Variants in IL1RAPL1 observed in about 807,000 individuals in gnomAD.
IL1RAPL1 encodes interleukin-1 receptor accessory protein-like 1.
IL1RAPL1 carries 3 observed loss-of-function variants against 48.4 expected under a neutral mutation model. That is an observed-to-expected ratio of 0.06 (90% CI 0.03 to 0.16). IL1RAPL1 has a LOEUF of 0.16. Ranked by LOEUF, IL1RAPL1 falls within the 10% of genes least tolerant of loss-of-function variation. IL1RAPL1 has a pLI of 1.00. For missense variants in IL1RAPL1, 349 were observed against 530.6 expected, an observed-to-expected ratio of 0.66 and a Z score of 3.36; for synonymous variants, 185 against 187.7, an observed-to-expected ratio of 0.99 and a Z score of 0.12.
chrX:29,122,434 C>CACAA (rs1928811345), intron 2 of IL1RAPL1, among the ~76,000 whole-genome samples: 4 of 101,917 alleles, frequency 3.9e-5, no homozygotes, highest in Admixed American at 3.3e-4. Flanking sequence ...CACACACACA[C>CACAA]ACACACACAC....
At chrX:28,991,195 T>C (rs779367317) in intron 2 of IL1RAPL1, among the ~76,000 whole-genome samples, 4 of 112,029 alleles carry the variant, frequency 3.6e-5, no homozygotes, top group Non-Finnish European at 7.5e-5. Context: ...TGTGTATACT[T>C]GTGTTTGTGT....
chrX:28,639,748 T>C (rs941296000), intron 1 of IL1RAPL1, among the ~76,000 whole-genome samples: 2 of 112,075 alleles, frequency 1.8e-5, no homozygotes, highest in East Asian at 2.8e-4. Flanking sequence ...GATCCTGTGG[T>C]GAGCCCTGGA....
chrX:29,056,257 C>A (rs1403811962), intron 2 of IL1RAPL1, among the ~76,000 whole-genome samples: 1 of 111,014 alleles, frequency 9.0e-6, no homozygotes, highest in Non-Finnish European at 1.9e-5. Context: ...AAGTTTGTAC[C>A]TGAGGATAAT....
At chrX:29,674,146 G>A (rs138449474) in intron 6 of IL1RAPL1, among the ~76,000 whole-genome samples, 67 of 111,944 alleles carry the variant, frequency 6.0e-4, no homozygotes, top group Non-Finnish European at 1.1e-3. Flanking sequence ...AGTGGTCAGG[G>A]CCAGTCACGG....
intron 6 of IL1RAPL1, among the ~76,000 whole-genome samples, chrX:29,881,222 G>A (rs748155210): frequency 2.3e-4 from 25 of 111,002 alleles, no homozygotes; most frequent in Non-Finnish European, 4.3e-4. Context: ...ACAGAAGTGA[G>A]GGTTGATTGA....
At chrX:29,946,082 C>A (rs1435063077) in intron 9 of IL1RAPL1, among the ~76,000 whole-genome samples, 1 of 111,373 alleles carries the variant, frequency 9.0e-6, no homozygotes, top group Non-Finnish European at 1.9e-5. Context: ...CAATATCAGT[C>A]AATTGCACCT....
intron 5 of IL1RAPL1, among the ~76,000 whole-genome samples, chrX:29,456,776 A>G (rs1464881494): frequency 9.0e-6 from 1 of 111,370 alleles, no homozygotes; most frequent in Non-Finnish European, 1.9e-5. Context: ...TTATATCACT[A>G]TTTACATAAG....
At chrX:28,850,708 A>G (rs1207238487) in intron 2 of IL1RAPL1, among the ~76,000 whole-genome samples, 1 of 110,649 alleles carries the variant, frequency 9.0e-6, no homozygotes. Context: ...CAGGAGGAGA[A>G]CCTGGATTAC....
At chrX:29,902,239 G>A (rs1932509349) in intron 6 of IL1RAPL1, among the ~76,000 whole-genome samples, 1 of 110,814 alleles carries the variant, frequency 9.0e-6, no homozygotes, top group African/African-American at 3.3e-5. Context: ...AGGTCATCAA[G>A]GGCATCTGGG....
intron 2 of IL1RAPL1, among the ~76,000 whole-genome samples, chrX:29,274,683 TA>T (rs1305406446): frequency 8.9e-6 from 1 of 112,034 alleles, no homozygotes; most frequent in African/African-American, 3.2e-5. Flanking sequence ...GTACAAGCAA[TA>T]ACGTTCTGCT....
intron 2 of IL1RAPL1, among the ~76,000 whole-genome samples, chrX:29,044,483 T>C (rs972575788): frequency 9.0e-6 from 1 of 110,944 alleles, no homozygotes; most frequent in African/African-American, 3.3e-5. Flanking sequence ...ATTTTTCCTA[T>C]TATAAGGTTA....
At chrX:29,405,409 C>T (rs1222223025) in intron 5 of IL1RAPL1, among the ~76,000 whole-genome samples, 4 of 97,774 alleles carry the variant, frequency 4.1e-5, no homozygotes, top group Admixed American at 1.0e-4. Context: ...CTCTGTCGCC[C>T]AGGCTGGAGT....
At chrX:28,818,421 C>T (rs1397883044) in intron 2 of IL1RAPL1, among the ~76,000 whole-genome samples, 2 of 110,772 alleles carry the variant, frequency 1.8e-5, no homozygotes, top group Non-Finnish European at 3.8e-5. Context: ...AATGTAAGTA[C>T]TCTACATTGT....
In IL1RAPL1 at chrX:29,001,351, T is replaced by C. The variant is rs1925848500; in HGVS notation, c.82+211926T>C. Among the ~76,000 whole-genome samples, 3 of 112,027 alleles carry C rather than the reference T, an allele frequency of 2.7e-5. No individual in the cohort carries two copies. In the Admixed American group the frequency reaches 2.9e-4, roughly 11 times the overall value. On this transcript the variant is annotated intron_variant, in intron 2 of 10. Coordinates refer to ENST00000378993, the MANE Select transcript of IL1RAPL1 (RefSeq NM_014271.4). ...TGGGAGATTACTTGGCACATAAATA[T>C]GATGCATAGAAGGTAGGAAATTACT...
At chrX:28,781,620 T>C (rs1483059406) in intron 1 of IL1RAPL1, among the ~76,000 whole-genome samples, 1 of 110,934 alleles carries the variant, frequency 9.0e-6, no homozygotes, top group Non-Finnish European at 1.9e-5. Flanking sequence ...TATAACCTAA[T>C]CATGGGCATG....
intron 6 of IL1RAPL1, among the ~76,000 whole-genome samples, chrX:29,832,378 C>G (rs1291415863): frequency 9.0e-6 from 1 of 111,684 alleles, no homozygotes; most frequent in African/African-American, 3.3e-5. Flanking sequence ...AATATAAACT[C>G]TGTTTTCAGT....
intron 1 of IL1RAPL1, among the ~76,000 whole-genome samples, chrX:28,610,708 A>G (rs766504162): frequency 1.3e-4 from 15 of 111,253 alleles, no homozygotes; most frequent in Non-Finnish European, 2.3e-4. Context: ...CGAGACAGGA[A>G]ACTGAATTAG....
intron 2 of IL1RAPL1, among the ~76,000 whole-genome samples, chrX:29,163,755 T>A (rs1007414091): frequency 3.6e-5 from 4 of 111,731 alleles, no homozygotes; most frequent in African/African-American, 1.3e-4. Flanking sequence ...ATGTGTCCTT[T>A]ACTGTTCATC....
chrX:29,030,802 T>C (rs1926600944), intron 2 of IL1RAPL1, among the ~76,000 whole-genome samples: 1 of 111,434 alleles, frequency 9.0e-6, no homozygotes, highest in Non-Finnish European at 1.9e-5. Flanking sequence ...AAAAGAAATG[T>C]TAATGAGAAG....
Sources: gnomAD v4.1 joint callset for allele counts (sites outside exome capture counted in the v4.1 genomes callset) on GRCh38, gnomAD v4.1.1 for gene constraint, MANE v1.5 for transcripts, NCBI Gene and HGNC (gene_info 2026-07-23, HGNC 2026-07-21) for gene names.